NEK4: variants seen among roughly 807,000 people sequenced by gnomAD.
NEK4 encodes serine/threonine-protein kinase Nek4.
Under a neutral mutation model 98.4 loss-of-function variants are expected in NEK4, and 86 were observed. The observed-to-expected ratio is 0.87, with a 90% CI of 0.73 to 1.05. NEK4 has a LOEUF of 1.05. Ranked by LOEUF, NEK4 falls within the 50% of genes least tolerant of loss-of-function variation. The pLI, the probability that NEK4 is intolerant of heterozygous loss-of-function variation, is 0.00. For missense variants in NEK4, 898 were observed against 950.3 expected (o/e 0.94, Z 0.72); for synonymous variants, 328 against 342.2 (o/e 0.96, Z 0.46).
chr3:52,736,946 A>AT (rs950468445), intron 15 of NEK4, among the ~76,000 whole-genome samples: 5 of 151,984 alleles, frequency 3.3e-5, no homozygotes, highest in South Asian at 2.1e-4. Flanking sequence ...AATAGAGTTT[A>AT]TTTTTTTTGA....
At chr3:52,738,640 A>G (rs1039871320) in intron 14 of NEK4, among the ~76,000 whole-genome samples, 49 of 151,700 alleles carry the variant, frequency 3.2e-4, no homozygotes, top group African/African-American at 1.1e-3. Context: ...TTGTAGACAC[A>G]AGTTTTCATC....
chr3:52,742,758 C>T (rs569825955), intron 12 of NEK4, among the ~76,000 whole-genome samples: 2 of 152,226 alleles, frequency 1.3e-5, no homozygotes, highest in East Asian at 3.9e-4. Flanking sequence ...CTAGTGCAAG[C>T]CCTTAGAAAG....
At chr3:52,756,834 T>C (rs768926594) in intron 6 of NEK4, among the ~76,000 whole-genome samples, 4 of 151,926 alleles carry the variant, frequency 2.6e-5, no homozygotes. Flanking sequence ...TGAGAGAAAA[T>C]ATTTGCAAAT....
At position 52,763,558 on chromosome 3, in the gene NEK4, T is replaced by G. The variant is rs757774147; in HGVS notation, c.733A>C (p.Arg245=). 1.9e-6 allele frequency: 3 copies of G among 1,613,638 alleles called. No individual in the cohort carries two copies. The highest frequency in any genetic ancestry group is 2.5e-6 in the Non-Finnish European group (3 of 1,179,626). ...CTCACAGACGGCCTTTCTTCAGGCC[T>G]TTTGCTCAGCATTGTTCTTATCAGT... ...AELIRTMLSK[R]PEERPSVRSI... Residue 245 remains arginine, a synonymous_variant, in exon 5 of 16, where the codon AGG becomes CGG. Transcript: ENST00000233027.
chr3:52,768,154 T>A (rs558104029), intron 2 of NEK4, among the ~76,000 whole-genome samples, 184 bp downstream of exon 2: 1 of 152,370 alleles, frequency 6.6e-6, no homozygotes, highest in East Asian at 1.9e-4. Context: ...TATTTTAATA[T>A]AGGTATCACT....
chr3:52,731,489 G>GA (rs771500034), intron 15 of NEK4, among the ~76,000 whole-genome samples: 2 of 152,230 alleles, frequency 1.3e-5, no homozygotes, highest in Non-Finnish European at 2.9e-5. Context: ...GAATAGAAAT[G>GA]AGAGTCCAGA....
Position 52,744,127 on chromosome 3 carries a change from C to A in NEK4, c.1894+112G>T, listed in dbSNP as rs112451475. On this transcript the variant is annotated intron_variant, in intron 11 of 15. Coordinates refer to ENST00000233027, the MANE Select transcript of NEK4 (RefSeq NM_003157.6). ...AAATCTTTTCCAACTCGATTTCCTA[C>A]ATGTTTTACTGCTGCTGGAAAGTTT... The A allele has an allele frequency of 4.9e-5, 38 of 771,994 alleles. 2 individuals are homozygous for A. In the Middle Eastern group the frequency reaches 7.0e-4, roughly 14 times the overall value. 47.8% of individuals were successfully genotyped at this position (771,994 alleles called of 1,614,324 possible).
chr3:52,768,991 G>C (rs746012341), intron 1 of NEK4, among the ~76,000 whole-genome samples: 6 of 152,094 alleles, frequency 3.9e-5, no homozygotes, highest in African/African-American at 1.4e-4. Flanking sequence ...AGGGTGAGGC[G>C]GGTGGATCAC....
At chr3:52,769,335 TA>T (rs1432534991) in intron 1 of NEK4, among the ~76,000 whole-genome samples, 1 of 152,242 alleles carries the variant, frequency 6.6e-6, no homozygotes, top group Non-Finnish European at 1.5e-5. Flanking sequence ...TGGATTACGT[TA>T]GATACTCAAA....
At chr3:52,751,632 A>G (rs2097405261) in intron 7 of NEK4, among the ~76,000 whole-genome samples, 4 of 151,598 alleles carry the variant, frequency 2.6e-5, no homozygotes, top group South Asian at 4.2e-4. Context: ...AAAAAAAAAA[A>G]GAGAAAAAAA....
intron 15 of NEK4, among the ~76,000 whole-genome samples, chr3:52,717,530 G>C (rs2097356230): frequency 6.6e-6 from 1 of 151,996 alleles, no homozygotes; most frequent in Non-Finnish European, 1.5e-5. Flanking sequence ...AGAGGCTACT[G>C]CCCCATCTCC....
intron 13 of NEK4, 110 bp downstream of exon 13, chr3:52,741,301 T>G (rs1209534208): frequency 1.0e-5 from 6 of 589,230 alleles, no homozygotes; most frequent in Non-Finnish European, 1.8e-5. Context: ...AAACCATTTA[T>G]AATTTTATCA....
chr3:52,710,289 T>A lies in NEK4; in HGVS notation c.*1488A>T. On this transcript the variant is annotated 3_prime_UTR_variant, in exon 16 of 16. Coordinates refer to ENST00000233027, the MANE Select transcript of NEK4 (RefSeq NM_003157.6). ...ATGAGGTAGGAGAATGGAGTGAACC[T>A]GGGAGGCGGAGCTTGCAGTGATCTG... 1 of 151,542 alleles carries A rather than the reference T, an allele frequency of 6.6e-6. No homozygotes were observed. Among genetic ancestry groups the A allele is most frequent in the African/African-American group, 2.4e-5 (1 of 41,192 alleles). The allele number at this position is 151,542 out of a possible 1,614,324, so 9.4% of individuals were successfully genotyped here. A position where few individuals can be genotyped will look rare whatever the true frequency, so the allele number is the denominator to read the frequency against.
intron 13 of NEK4, among the ~76,000 whole-genome samples, chr3:52,740,821 T>C (rs1401101530): frequency 2.9e-5 from 2 of 69,630 alleles, no homozygotes; most frequent in Non-Finnish European, 8.0e-5. Flanking sequence ...TAAAATATAT[T>C]TTTAAAAAGT....
intron 13 of NEK4, 33 bp downstream of exon 13, chr3:52,741,378 T>C (rs754402383): frequency 1.6e-6 from 2 of 1,244,174 alleles, no homozygotes; most frequent in Admixed American, 3.4e-5. Context: ...ACAGAAATAG[T>C]TTATAAAGGG....
chr3:52,770,594 C>A (rs1698741804), intron 1 of NEK4, 60 bp downstream of exon 1: 4 of 1,343,472 alleles, frequency 3.0e-6, no homozygotes, highest in African/African-American at 3.0e-5. Context: ...ATCTACCGGT[C>A]GGCGCCCTCG....
intron 9 of NEK4, 43 bp downstream of exon 9, chr3:52,746,691 G>T: frequency 6.5e-7 from 1 of 1,546,148 alleles, no homozygotes; most frequent in East Asian, 2.3e-5. Flanking sequence ...TAGAAATTGA[G>T]TTTCCCAAAG....
At chr3:52,744,129 T>C (rs958558552) in intron 11 of NEK4, 110 bp downstream of exon 11, 2 of 782,446 alleles carry the variant, frequency 2.6e-6, no homozygotes, top group African/African-American at 1.7e-5. Flanking sequence ...ATTTCCTACA[T>C]GTTTTACTGC....
At chr3:52,767,004 AAAT>A (rs1309815953) in intron 2 of NEK4, among the ~76,000 whole-genome samples, 1 of 152,134 alleles carries the variant, frequency 6.6e-6, no homozygotes, top group Non-Finnish European at 1.5e-5. Context: ...AAAAAAAAAA[AAAT>A]ATGTTTACAG....
Sources: allele counts gnomAD v4.1 joint callset (sites outside exome capture counted in the v4.1 genomes callset), GRCh38; gene constraint gnomAD v4.1.1; transcripts MANE v1.5; gene names NCBI Gene and HGNC (gene_info 2026-07-23, HGNC 2026-07-21).